TRABD2A: variants seen among roughly 807,000 people sequenced by gnomAD.
TRABD2A encodes the protein TraB domain containing 2A.
A neutral mutation model predicts 45.6 loss-of-function variants in TRABD2A; 43 were observed. That is an observed-to-expected ratio of 0.94 (90% CI 0.74 to 1.22). The LOEUF (loss-of-function observed/expected upper bound fraction) is 1.22. TRABD2A is among the 50% of genes most tolerant of loss of function. TRABD2A has a pLI of 0.00. For synonymous variants in TRABD2A, 269 were observed against 265.0 expected (o/e 1.02, Z -0.15); for missense variants, 642 against 652.4 (o/e 0.98, Z 0.17).
intron 2 of TRABD2A, among the ~76,000 whole-genome samples, chr2:84,858,785 T>C (rs1342538591): frequency 1.3e-5 from 2 of 152,176 alleles, no homozygotes; most frequent in African/African-American, 4.8e-5. Context: ...ATGTCTGCTT[T>C]ACACACTGAA....
intron 2 of TRABD2A, among the ~76,000 whole-genome samples, chr2:84,861,820 T>A (rs1336496459): frequency 6.6e-6 from 1 of 152,226 alleles, no homozygotes; most frequent in Non-Finnish European, 1.5e-5. Flanking sequence ...AGAAGCTCAG[T>A]GTGAGCTGCA....
rs1488453701 is a variant in TRABD2A at position 84,832,170 on chromosome 2, A to C, written c.992-25T>G. The C allele has an allele frequency of 1.9e-6, 3 of 1,612,130 alleles. No homozygotes were observed. The South Asian group carries it at 3.3e-5, about 18-fold the overall frequency. ...CCTGCAGTGAGAAAAACAACCTGAA[A>C]TGCTGCAGCTCTCAGGACCACCAAA... On this transcript the variant is annotated intron_variant, in intron 4 of 6. Transcript: ENST00000409520.
chr2:84,838,405 T>G (rs1487795171), intron 4 of TRABD2A, among the ~76,000 whole-genome samples: 1 of 152,220 alleles, frequency 6.6e-6, no homozygotes, highest in East Asian at 1.9e-4. Context: ...TTTTTTCCAG[T>G]GTTCTTATTG....
chr2:84,878,909 C>T (rs537218377), intron 1 of TRABD2A, among the ~76,000 whole-genome samples: 49 of 152,342 alleles, frequency 3.2e-4, no homozygotes, highest in South Asian at 2.1e-3. Flanking sequence ...AGTTTGCCCA[C>T]AGAATAGAAC....
At chr2:84,856,415 T>G (rs1193127812) in intron 2 of TRABD2A, among the ~76,000 whole-genome samples, 1 of 152,112 alleles carries the variant, frequency 6.6e-6, no homozygotes, top group Non-Finnish European at 1.5e-5. Flanking sequence ...GTCATGTGAA[T>G]GGATGCTGCC....
In TRABD2A at chr2:84,842,006, A is replaced by T; in HGVS notation, c.671T>A (p.Val224Asp). ...GAGGGTCTGGTTCAAAGCAAAGATG[A>T]CCTAAAAGAAAGGTCTCTTTTAAGT... ...HPLNGLNFSQ[V>D]IFALNQTLLQ... The change falls in exon 3 of 7, where the codon GTC becomes GAC. Residue 224 changes from valine (V) to aspartate (D), a missense_variant and splice_region_variant. Physicochemically the swap from Val to Asp is radical, Grantham distance 152 (BLOSUM62 -3). Transcript: ENST00000409520. 2 of 1,495,150 alleles carry T rather than the reference A, an allele frequency of 1.3e-6. No homozygotes were observed. Among genetic ancestry groups the T allele is most frequent in the South Asian group, 1.3e-5 (1 of 76,046 alleles). The allele number at this position is 1,495,150 out of a possible 1,614,324, so 92.6% of individuals were successfully genotyped here.
chr2:84,853,234 G>A (rs192182093), intron 2 of TRABD2A, among the ~76,000 whole-genome samples: 2 of 152,042 alleles, frequency 1.3e-5, no homozygotes, highest in East Asian at 3.9e-4. Context: ...AAGGCAGTGT[G>A]TTAGTCCGTT....
intron 2 of TRABD2A, among the ~76,000 whole-genome samples, chr2:84,859,063 C>G (rs1329583051): frequency 6.6e-6 from 1 of 152,194 alleles, no homozygotes; most frequent in Non-Finnish European, 1.5e-5. Flanking sequence ...AGCCACACAC[C>G]GACTACTGCC....
chr2:84,864,474 T>C (rs1682608420), intron 2 of TRABD2A, among the ~76,000 whole-genome samples: 1 of 152,132 alleles, frequency 6.6e-6, no homozygotes, highest in South Asian at 2.1e-4. Flanking sequence ...CCTAGTGCCA[T>C]CCCCACTGAA....
intron 1 of TRABD2A, chr2:84,879,659 G>T: frequency 1.0e-6 from 1 of 964,750 alleles, no homozygotes; most frequent in Non-Finnish European, 1.2e-6. Context: ...CTTGTGAGGA[G>T]ATGGACTCCT....
chr2:84,824,344 C>A, intron 5 of TRABD2A, 140 bp from the exon 6 acceptor site: 1 of 1,241,740 alleles, frequency 8.1e-7, no homozygotes. Flanking sequence ...GCAGAAATTA[C>A]CCAGTTCTTG....
chr2:84,837,830 G>A (rs1281393456), intron 4 of TRABD2A: 1 of 166,496 alleles, frequency 6.0e-6, no homozygotes, highest in African/African-American at 2.4e-5. Context: ...GTCTTTCCTG[G>A]GCATGTGCAC....
Position 84,842,014 on chromosome 2 carries a change from GAA to G in TRABD2A, c.670-9_670-8del. 6.7e-7 allele frequency: 1 copy of G among 1,489,320 alleles called. No homozygotes were observed. The highest frequency in any genetic ancestry group is 8.9e-7 in the Non-Finnish European group (1 of 1,119,030). The allele number at this position is 1,489,320 out of a possible 1,614,324, so 92.3% of individuals were successfully genotyped here. A position where few individuals can be genotyped will look rare whatever the true frequency, so the allele number is the denominator to read the frequency against. On this transcript the variant is annotated splice_region_variant and splice_polypyrimidine_tract_variant and intron_variant, in intron 2 of 6. Coordinates refer to ENST00000409520, the MANE Select transcript of TRABD2A (RefSeq NM_001277053.2). ...GGTTCAAAGCAAAGATGACCTAAAA[GAA>G]AGGTCTCTTTTAAGTTCACTAACAA...
intron 5 of TRABD2A, 70 bp downstream of exon 5, chr2:84,831,985 C>A: frequency 9.8e-6 from 15 of 1,532,824 alleles, no homozygotes; most frequent in Non-Finnish European, 1.4e-5. Flanking sequence ...GATAGCAGCC[C>A]ACCCTGGTGC....
intron 2 of TRABD2A, among the ~76,000 whole-genome samples, chr2:84,867,743 AAAAC>A (rs1438252477): frequency 5.9e-5 from 9 of 152,350 alleles, no homozygotes; most frequent in Admixed American, 2.0e-4. Context: ...TTACAAGAAA[AAAAC>A]AAACAACCCC....
At chr2:84,851,465 A>G (rs951895142) in intron 2 of TRABD2A, among the ~76,000 whole-genome samples, 8 of 152,220 alleles carry the variant, frequency 5.3e-5, no homozygotes, top group African/African-American at 1.2e-4. Context: ...CTCTTACCCA[A>G]TGCTTAATCC....
rs149640435 is a variant in TRABD2A at position 84,834,828 on chromosome 2, A to G, written c.992-2683T>C. On this transcript the variant is annotated intron_variant, in intron 4 of 6. Transcript: ENST00000409520. Reference sequence around the variant, plus strand: ...GGATTGGTTCCACTTTTTGGCTATTATAAATAATGCTGCCATGAACATCTG... The same window carrying G: ...GGATTGGTTCCACTTTTTGGCTATTGTAAATAATGCTGCCATGAACATCTG... 4.6e-5 allele frequency: 7 copies of G among 152,286 alleles called. No individual in the cohort carries two copies. The East Asian group carries it at 1.3e-3, about 29-fold the overall frequency. The allele number at this position is 152,286 out of a possible 1,614,324, so 9.4% of individuals were successfully genotyped here.
chr2:84,859,110 A>G (rs2105397956), intron 2 of TRABD2A, among the ~76,000 whole-genome samples: 1 of 152,338 alleles, frequency 6.6e-6, no homozygotes, highest in Non-Finnish European at 1.5e-5. Context: ...TTTATTGTTT[A>G]GAAGTTACTC....
rs1036116965 is a variant in TRABD2A, at chr2:84,870,868, C to T, written c.109-83G>A. On this transcript the variant is annotated intron_variant, in intron 1 of 6. Coordinates refer to ENST00000409520, the MANE Select transcript of TRABD2A (RefSeq NM_001277053.2). ...CCTGTGAGAGGAAATGAATCAGTCA[C>T]ATTTCAAGAGAAAAGATATCAAAGT... 4 of 1,294,850 alleles carry T rather than the reference C, an allele frequency of 3.1e-6. No individual in the cohort carries two copies. In the African/African-American group the frequency reaches 4.5e-5, roughly 15 times the overall value. The allele number at this position is 1,294,850 out of a possible 1,614,324, so 80.2% of individuals were successfully genotyped here. A position where few individuals can be genotyped will look rare whatever the true frequency, so the allele number is the denominator to read the frequency against.
Sources: gnomAD v4.1 joint callset for allele counts (sites outside exome capture counted in the v4.1 genomes callset) on GRCh38, gnomAD v4.1.1 for gene constraint, MANE v1.5 for transcripts, NCBI Gene and HGNC (gene_info 2026-07-23, HGNC 2026-07-21) for gene names.